Variants in NAALADL2 observed in about 807,000 individuals in gnomAD.
NAALADL2 encodes N-acetylated alpha-linked acidic dipeptidase like 2, also known as inactive N-acetylated-alpha-linked acidic dipeptidase-like protein 2.
NAALADL2 carries 76 observed loss-of-function variants against 87.2 expected under a neutral mutation model. That is an observed-to-expected ratio of 0.87 (90% CI 0.72 to 1.05). The LOEUF (loss-of-function observed/expected upper bound fraction) is 1.05. Among genes scored for constraint, NAALADL2 ranks in the 50% least tolerant of loss-of-function variants. The pLI, the probability that NAALADL2 is intolerant of heterozygous loss-of-function variation, is 0.00. For missense variants in NAALADL2, 1,089 were observed against 945.8 expected (o/e 1.15, Z -1.99); for synonymous variants, 354 against 331.0 (o/e 1.07, Z -0.75).
chr3:174,895,747 A>G (rs182276912), intron 1 of NAALADL2, among the ~76,000 whole-genome samples: 4 of 152,238 alleles, frequency 2.6e-5, no homozygotes, highest in African/African-American at 4.8e-5. Flanking sequence ...AAGCAAACAA[A>G]CAAACAACTG....
intron 2 of NAALADL2, among the ~76,000 whole-genome samples, chr3:175,197,614 C>A (rs1005883930): frequency 8.4e-6 from 1 of 118,378 alleles, no homozygotes; most frequent in Non-Finnish European, 2.0e-5. Context: ...GGTTGTCCAA[C>A]CTTTAATTAG....
chr3:175,156,569 T>A (rs1292556840), intron 2 of NAALADL2, among the ~76,000 whole-genome samples: 3 of 144,838 alleles, frequency 2.1e-5, no homozygotes, highest in Non-Finnish European at 4.5e-5. Flanking sequence ...ATGTATCCTA[T>A]ATTTTTGTTA....
intron 1 of NAALADL2, among the ~76,000 whole-genome samples, chr3:174,516,326 AT>A (rs1207270071): frequency 6.6e-6 from 1 of 152,050 alleles, no homozygotes; most frequent in African/African-American, 2.4e-5. Flanking sequence ...CCACTGCTGT[AT>A]ATGTGAAAGG....
intron 4 of NAALADL2, among the ~76,000 whole-genome samples, chr3:175,287,762 T>C (rs764481502): frequency 6.6e-6 from 1 of 152,230 alleles, no homozygotes. Flanking sequence ...ATGGAATGGA[T>C]ACATTTGCCT....
intron 3 of NAALADL2, among the ~76,000 whole-genome samples, chr3:174,816,148 G>A (rs918967188): frequency 4.6e-5 from 7 of 151,852 alleles, no homozygotes; most frequent in African/African-American, 1.7e-4. Context: ...TAGCACGTAT[G>A]TACCCCAATG....
Position 175,803,433 on chromosome 3 carries a change from G to A in NAALADL2, c.*230G>A. The A allele has an allele frequency of 3.2e-6, 1 of 317,052 alleles. No individual in the cohort carries two copies. The highest frequency in any genetic ancestry group is 8.4e-5 in the South Asian group (1 of 11,906). The allele number at this position is 317,052 out of a possible 1,614,324, so 19.6% of individuals were successfully genotyped here. On this transcript the variant is annotated 3_prime_UTR_variant, in exon 14 of 14. Coordinates refer to ENST00000454872, the MANE Select transcript of NAALADL2 (RefSeq NM_207015.3). ...TATGTAAAGCAAGTTATTGAAATAG[G>A]ACTTAAGAATTACCTATTAAAAAGA... is the stretch of plus-strand genomic sequence containing the variant.
intron 13 of NAALADL2, among the ~76,000 whole-genome samples, chr3:175,791,211 A>T (rs890800615): frequency 1.3e-5 from 2 of 152,240 alleles, no homozygotes; most frequent in Non-Finnish European, 2.9e-5. Flanking sequence ...TTCTAAAAGA[A>T]TCCTGTGGAA....
intron 2 of NAALADL2, among the ~76,000 whole-genome samples, chr3:174,676,937 G>T (rs752285727): frequency 6.6e-6 from 1 of 151,674 alleles, no homozygotes; most frequent in Non-Finnish European, 1.5e-5. Context: ...AAAAAACCCT[G>T]GTATATATAA....
At chr3:175,597,329 A>G (rs1722376169) in intron 10 of NAALADL2, among the ~76,000 whole-genome samples, 1 of 152,002 alleles carries the variant, frequency 6.6e-6, no homozygotes, top group Admixed American at 6.6e-5. Flanking sequence ...TGAAGTCTCA[A>G]TAATCAATAC....
At chr3:175,278,635 T>C (rs1753892876) in intron 4 of NAALADL2, among the ~76,000 whole-genome samples, 1 of 152,188 alleles carries the variant, frequency 6.6e-6, no homozygotes, top group South Asian at 2.1e-4. Flanking sequence ...AAAGTGACTT[T>C]GGACTCTACC....
At chr3:174,472,941 T>C (rs1032251573) in intron 1 of NAALADL2, among the ~76,000 whole-genome samples, 1 of 152,200 alleles carries the variant, frequency 6.6e-6, no homozygotes, top group Admixed American at 6.5e-5. Context: ...TACGAAAATA[T>C]CACCTAGGTT....
chr3:174,750,996 T>C (rs1043993229), intron 3 of NAALADL2, among the ~76,000 whole-genome samples: 9 of 149,660 alleles, frequency 6.0e-5, no homozygotes, highest in African/African-American at 2.3e-4. Context: ...TATATTTTTA[T>C]GTTTTCTTCA....
chr3:175,133,574 C>T (rs994332645), intron 2 of NAALADL2, among the ~76,000 whole-genome samples: 12 of 152,198 alleles, frequency 7.9e-5, no homozygotes, highest in Non-Finnish European at 1.8e-4. Flanking sequence ...ATACGAAAAC[C>T]AGTCAGGCGT....
intron 9 of NAALADL2, among the ~76,000 whole-genome samples, chr3:175,556,682 A>C (rs2149502646): frequency 6.6e-6 from 1 of 152,284 alleles, no homozygotes; most frequent in South Asian, 2.1e-4. Context: ...ATGGGGAATA[A>C]AGTTATTTTT....
chr3:174,705,296 C>T (rs1246213217), intron 2 of NAALADL2, among the ~76,000 whole-genome samples: 2 of 152,168 alleles, frequency 1.3e-5, no homozygotes, highest in Non-Finnish European at 2.9e-5. Flanking sequence ...AAATACCATA[C>T]AGACAGTAGC....
At chr3:175,100,328 A>C (rs997992875) in intron 2 of NAALADL2, among the ~76,000 whole-genome samples, 5 of 152,164 alleles carry the variant, frequency 3.3e-5, no homozygotes, top group African/African-American at 1.2e-4. Flanking sequence ...GAGAAAGTGA[A>C]GCATTTTTGA....
chr3:175,079,815 C>T (rs538252328), intron 1 of NAALADL2, among the ~76,000 whole-genome samples: 12 of 151,608 alleles, frequency 7.9e-5, no homozygotes, highest in African/African-American at 2.7e-4. Flanking sequence ...CACACACGTA[C>T]GTAAACACAT....
At chr3:175,269,342 G>A (rs565892607) in intron 4 of NAALADL2, among the ~76,000 whole-genome samples, 1 of 152,278 alleles carries the variant, frequency 6.6e-6, no homozygotes, top group African/African-American at 2.4e-5. Context: ...TTATTATCAA[G>A]TGTGTACATA....
chr3:175,212,699 G>A (rs1741934982), intron 2 of NAALADL2, among the ~76,000 whole-genome samples: 2 of 151,444 alleles, frequency 1.3e-5, no homozygotes, highest in Non-Finnish European at 2.9e-5. Flanking sequence ...TTGATTTGTT[G>A]GTTACCCACT....
Sources: gnomAD v4.1 joint callset for allele counts (sites outside exome capture counted in the v4.1 genomes callset) on GRCh38, gnomAD v4.1.1 for gene constraint, MANE v1.5 for transcripts, NCBI Gene and HGNC (gene_info 2026-07-23, HGNC 2026-07-21) for gene names.